PHACTR2: variants seen among roughly 807,000 people sequenced by gnomAD.
The protein encoded by PHACTR2 is chromosome 6 open reading frame 56.
PHACTR2 carries 30 observed loss-of-function variants against 76.0 expected under a neutral mutation model. The observed-to-expected ratio is 0.39, with a 90% CI of 0.30 to 0.54. PHACTR2 has a LOEUF of 0.54. Ranked by LOEUF, PHACTR2 falls within the 20% of genes least tolerant of loss-of-function variation. The probability of loss-of-function intolerance (pLI) is 0.61; values close to 1 mark genes in which losing one functional copy is unlikely to be tolerated. For synonymous variants in PHACTR2, 292 were observed against 292.5 expected (o/e 1.00, Z 0.02); for missense variants, 696 against 781.1 (o/e 0.89, Z 1.30).
In PHACTR2 at chr6:143,774,805, A is replaced by G. The variant is rs1262161263; in HGVS notation, c.1589+590A>G. 6.6e-6 allele frequency among the ~76,000 whole-genome samples: 1 copy of G among 152,182 alleles called. No homozygotes were observed. The highest frequency in any genetic ancestry group is 1.5e-5 in the Non-Finnish European group (1 of 68,024). ...ACATCCCTCTTCCAACTTCAAGTAA[A>G]TGGATCATCTGACATCTCTTCCTGC... On this transcript the variant is annotated intron_variant, in intron 8 of 12. Transcript: ENST00000440869. This position sits in a 1 kb window ranked among gnomAD's most constrained non-coding sequence, Gnocchi z 5.4.
intron 1 of PHACTR2, among the ~76,000 whole-genome samples, chr6:143,614,054 T>C (rs1382886109): frequency 6.6e-6 from 1 of 152,076 alleles, no homozygotes; most frequent in East Asian, 1.9e-4. Flanking sequence ...AACCCCCATC[T>C]CTACTAAAAA....
At position 143,558,700 on chromosome 6, in the gene PHACTR2, C is replaced by G. The variant is rs1032986247; in HGVS notation, c.217+21493C>G. Among the ~76,000 whole-genome samples the G allele has an allele frequency of 6.6e-6, 1 of 152,154 alleles. No individual in the cohort carries two copies. The highest frequency in any genetic ancestry group is 2.4e-5 in the African/African-American group (1 of 41,432). ...TGCTAAGATACATTCATGCGTTTTT[C>G]CAATGCGAGGAGGTAGAGATCGTTT... On this transcript the variant is annotated intron_variant, in intron 1 of 11. Transcript: ENST00000367584. This position sits in a 1 kb window ranked among gnomAD's most constrained non-coding sequence, Gnocchi z 4.7.
At chr6:143,810,401 A>G (rs1207103866) in intron 12 of PHACTR2, among the ~76,000 whole-genome samples, 2 of 152,184 alleles carry the variant, frequency 1.3e-5, no homozygotes, top group South Asian at 2.1e-4. Context: ...CAAAAAGAGC[A>G]CTTAGTTTAC....
rs534807131 is a variant in PHACTR2 at position 143,592,191 on chromosome 6, G to T, written c.217+54984G>T. Among the ~76,000 whole-genome samples the T allele has an allele frequency of 6.6e-6, 1 of 152,146 alleles. No individual in the cohort carries two copies. Among genetic ancestry groups the T allele is most frequent in the African/African-American group, 2.4e-5 (1 of 41,430 alleles). ...TAGAACATATGGTAACTAATAGTTC[G>T]TTAGCTTGATTTACAGCTTTTAAAT... On this transcript the variant is annotated intron_variant, in intron 1 of 11. Coordinates refer to the PHACTR2 transcript ENST00000367584. The surrounding 1 kb of genome is among the most constrained non-coding windows in gnomAD (Gnocchi z 4.0).
rs559326184 is a variant in PHACTR2, at chr6:143,616,658, A to G, written c.13+8336A>G. ...TTCTGTCAGCATGCTCCTTCCTTCT[A>G]GTAGAGAAAGCAAAATTAGTAATGA... On this transcript the variant is annotated intron_variant, in intron 1 of 11. Coordinates refer to the PHACTR2 transcript ENST00000305766. This position sits in a 1 kb window ranked among gnomAD's most constrained non-coding sequence, Gnocchi z 4.9. Among the ~76,000 whole-genome samples the G allele has an allele frequency of 6.6e-6, 1 of 152,264 alleles. No homozygotes were observed. Among genetic ancestry groups the G allele is most frequent in the South Asian group, 2.1e-4 (1 of 4,824 alleles).
At position 143,712,175 on chromosome 6, in the gene PHACTR2, C is replaced by A. The variant is rs1190357355; in HGVS notation, c.206C>A (p.Thr69Asn). The change falls in exon 2 of 13, where the codon ACC becomes AAC. Residue 69 changes from threonine to asparagine, a missense_variant. Physicochemically the swap from Thr to Asn is moderately conservative, Grantham distance 65. Transcript: ENST00000440869. ...AAGACCAGCGACAAATTTAGAGAAACCTCGGCAGGTATGAGTATCATAACT... is the reference window on the plus strand; with the variant it reads ...AAGACCAGCGACAAATTTAGAGAAAACTCGGCAGGTATGAGTATCATAACT... The part of the protein sequence containing the change: ...KKKTSDKFRE[T>N]SAVLERKIST... 3 of 1,526,080 alleles carry A rather than the reference C, an allele frequency of 2.0e-6. No homozygotes were observed. Among genetic ancestry groups the A allele is most frequent in the South Asian group, 1.3e-5 (1 of 75,082 alleles). 94.5% of individuals were successfully genotyped at this position (1,526,080 alleles called of 1,614,324 possible).
In PHACTR2 at chr6:143,539,459, C is replaced by T. The variant is rs1421483789; in HGVS notation, c.217+2252C>T. On this transcript the variant is annotated intron_variant, in intron 1 of 11. Transcript: ENST00000367584. This position sits in a 1 kb window ranked among gnomAD's most constrained non-coding sequence, Gnocchi z 4.3. ...TTCACTGACACACAGAGTATTTCTC[C>T]AGCATGCCCCACAGCCTCTGCAGCC... Among the ~76,000 whole-genome samples the T allele has an allele frequency of 6.6e-6, 1 of 152,198 alleles. No homozygotes were observed. The highest frequency in any genetic ancestry group is 2.4e-5 in the African/African-American group (1 of 41,434).
At chr6:143,770,081 A>G (rs144874686) in intron 6 of PHACTR2, among the ~76,000 whole-genome samples, 51 of 152,322 alleles carry the variant, frequency 3.3e-4, no homozygotes, top group African/African-American at 1.1e-3. Flanking sequence ...ACAATAGCCA[A>G]AAGGTGAAAA....
chr6:143,755,257 G>A lies in PHACTR2; in HGVS notation c.454+1345G>A, dbSNP rs767228857. ...GTGGGATTCAGTTGAAAGTATTAAC[G>A]CAAGTAGTGATGTTTTTTGTTTAAG... On this transcript the variant is annotated intron_variant, in intron 4 of 12. Transcript: ENST00000440869. This position sits in a 1 kb window ranked among gnomAD's most constrained non-coding sequence, Gnocchi z 5.2. 6 of 455,838 alleles carry A rather than the reference G, an allele frequency of 1.3e-5. No individual in the cohort carries two copies. The highest frequency in any genetic ancestry group is 2.4e-5 in the Admixed American group (1 of 42,548). 28.2% of individuals were successfully genotyped at this position (455,838 alleles called of 1,614,324 possible). A position where few individuals can be genotyped will look rare whatever the true frequency, so the allele number is the denominator to read the frequency against.
chr6:143,640,548 CAGTCAATGCCTACAAAA>C (rs1776547085), intron 1 of PHACTR2, among the ~76,000 whole-genome samples: 1 of 152,184 alleles, frequency 6.6e-6, no homozygotes, highest in Non-Finnish European at 1.5e-5. Context: ...CTCACAGAAC[CAGTCAATGCCTACAAAA>C]GGTCAATGGG....
Position 143,543,520 on chromosome 6 carries a change from A to G in PHACTR2, c.217+6313A>G, listed in dbSNP as rs138530741. Among the ~76,000 whole-genome samples the G allele has an allele frequency of 6.9e-4, 105 of 152,330 alleles. No individual in the cohort carries two copies. The highest frequency in any genetic ancestry group is 2.4e-3 in the African/African-American group (99 of 41,590). On this transcript the variant is annotated intron_variant, in intron 1 of 11. Transcript: ENST00000367584. The surrounding 1 kb of genome is among the most constrained non-coding windows in gnomAD (Gnocchi z 4.7). Reference sequence around the variant, plus strand: ...GGGGGAGAACCTAGGATGGTCGGCTATAGGGAATGGCTGTGGGGAGAAAAT... The same window carrying G: ...GGGGGAGAACCTAGGATGGTCGGCTGTAGGGAATGGCTGTGGGGAGAAAAT...
At position 143,602,446 on chromosome 6, in the gene PHACTR2, C is replaced by G. The variant is rs1174920390; in HGVS notation, c.217+65239C>G. ...GCCAGGACTCTCCATTCAAGCAGAG[C>G]CTGGCTCTGATTGCTCCTTTCTCAT... is the stretch of plus-strand genomic sequence containing the variant. On this transcript the variant is annotated intron_variant, in intron 1 of 11. Transcript: ENST00000367584. The surrounding 1 kb of genome is among the most constrained non-coding windows in gnomAD (Gnocchi z 6.1). 2.0e-5 allele frequency among the ~76,000 whole-genome samples: 3 copies of G among 152,168 alleles called. No homozygotes were observed. The highest frequency in any genetic ancestry group is 4.8e-5 in the African/African-American group (2 of 41,442).
In PHACTR2 at chr6:143,658,023, T is replaced by C. The variant is rs1472179982; in HGVS notation, c.13+49701T>C. Among the ~76,000 whole-genome samples, 2 of 152,186 alleles carry C rather than the reference T, an allele frequency of 1.3e-5. No individual in the cohort carries two copies. Among genetic ancestry groups the C allele is most frequent in the African/African-American group, 4.8e-5 (2 of 41,432 alleles). ...TATTCCATTAATGGACATACCACAA[T>C]TTATTTACCCACTCTTCTGTTGAGG... is the stretch of plus-strand genomic sequence containing the variant. On this transcript the variant is annotated intron_variant, in intron 1 of 11. Coordinates refer to the PHACTR2 transcript ENST00000305766. The surrounding 1 kb of genome is among the most constrained non-coding windows in gnomAD (Gnocchi z 4.1).
At chr6:143,735,698 G>A (rs887472567) in intron 2 of PHACTR2, among the ~76,000 whole-genome samples, 4 of 151,260 alleles carry the variant, frequency 2.6e-5, no homozygotes, top group Non-Finnish European at 4.4e-5. Context: ...CCTGTGTTAA[G>A]TAAGACAGTG....
At chr6:143,613,132 A>G (rs1274318232) in intron 1 of PHACTR2, among the ~76,000 whole-genome samples, 2 of 152,036 alleles carry the variant, frequency 1.3e-5, no homozygotes, top group Non-Finnish European at 2.9e-5. Flanking sequence ...GCCTGCCCCC[A>G]TGCCCGGCTA....
chr6:143,741,771 A>C (rs1338026944), intron 2 of PHACTR2, among the ~76,000 whole-genome samples: 1 of 152,142 alleles, frequency 6.6e-6, no homozygotes, highest in East Asian at 1.9e-4. Context: ...AACCTAGAGA[A>C]TCTGTGGTGA....
rs932095327 is a variant in PHACTR2 at position 143,658,386 on chromosome 6, G to A, written c.13+50064G>A. On this transcript the variant is annotated intron_variant, in intron 1 of 11. Transcript: ENST00000305766. The surrounding 1 kb of genome is among the most constrained non-coding windows in gnomAD (Gnocchi z 4.1). Reference sequence around the variant, plus strand: ...GTTCTCCTGTGCAGTATTTGAAAACGAATTACAGCACTCAGTCTCTTTTTC... The same window carrying A: ...GTTCTCCTGTGCAGTATTTGAAAACAAATTACAGCACTCAGTCTCTTTTTC... Among the ~76,000 whole-genome samples, 2 of 152,124 alleles carry A rather than the reference G, an allele frequency of 1.3e-5. No individual in the cohort carries two copies. Among genetic ancestry groups the A allele is most frequent in the African/African-American group, 2.4e-5 (1 of 41,424 alleles).
At chr6:143,629,354 T>C (rs1326878036) in intron 1 of PHACTR2, among the ~76,000 whole-genome samples, 2 of 152,156 alleles carry the variant, frequency 1.3e-5, no homozygotes, top group East Asian at 1.9e-4. Flanking sequence ...GTGGTATTTT[T>C]AAAACCACGT....
chr6:143,559,690 C>CTTTTTTTTTTTTTTT (rs5880566), intron 1 of PHACTR2, among the ~76,000 whole-genome samples: 2 of 31,904 alleles, frequency 6.3e-5, no homozygotes, highest in Admixed American at 6.1e-4. Flanking sequence ...TTTTTCTTTT[C>CTTTTTTTTTTTTTTT]TTTTTTTTTT....
Sources: allele counts gnomAD v4.1 joint callset (sites outside exome capture counted in the v4.1 genomes callset), GRCh38; gene constraint gnomAD v4.1.1; non-coding constraint Gnocchi (gnomAD v3.1); transcripts MANE v1.5; gene names NCBI Gene and HGNC (gene_info 2026-07-23, HGNC 2026-07-21).